Variants in SORCS2 observed in about 807,000 individuals in gnomAD.
The protein encoded by SORCS2 is VPS10 domain-containing receptor SorCS2.
A neutral mutation model predicts 141.6 loss-of-function variants in SORCS2; 100 were observed. That is an observed-to-expected ratio of 0.71 (90% confidence interval 0.60 to 0.83). The LOEUF (loss-of-function observed/expected upper bound fraction) is 0.83, where lower values mean the gene tolerates loss of function less well. Ranked by LOEUF, SORCS2 falls within the 40% of genes least tolerant of loss-of-function variation. SORCS2 has a pLI of 0.00. For missense variants in SORCS2, 1,646 were observed against 1,560.2 expected (o/e 1.05, Z -0.93); for synonymous variants, 789 against 676.9 (o/e 1.17, Z -2.57).
chr4:7,478,419 C>T (rs543169316), intron 2 of SORCS2, among the ~76,000 whole-genome samples: 10 of 152,192 alleles, frequency 6.6e-5, no homozygotes, highest in African/African-American at 1.7e-4. Context: ...CCACCCCCAC[C>T]GTCCCCACCC....
At chr4:7,453,060 GGAGCTGTGTGTTGGGGTCAC>G (rs1728584780) in intron 2 of SORCS2, among the ~76,000 whole-genome samples, 2 of 145,242 alleles carry the variant, frequency 1.4e-5, no homozygotes, top group East Asian at 2.1e-4. Context: ...GTTGGGGTCA[GGAGCTGTGTGTTGGGGTCAC>G]GTGCTGTGTT....
At chr4:7,302,521 T>C (rs1305435204) in intron 1 of SORCS2, among the ~76,000 whole-genome samples, 1 of 152,154 alleles carries the variant, frequency 6.6e-6, no homozygotes, top group Non-Finnish European at 1.5e-5. Context: ...GTCCCCACTT[T>C]CCAGTGAGGT....
chr4:7,330,713 C>A (rs1719600981), intron 1 of SORCS2, among the ~76,000 whole-genome samples: 1 of 152,068 alleles, frequency 6.6e-6, no homozygotes, highest in Non-Finnish European at 1.5e-5. Context: ...TTCGCACCTG[C>A]CCTCAGAGGC....
At chr4:7,697,362 C>A in intron 12 of SORCS2, 88 bp downstream of exon 12, 1 of 1,166,372 alleles carries the variant, frequency 8.6e-7, no homozygotes, top group Non-Finnish European at 1.2e-6. Context: ...CCCGTCCATT[C>A]CAGAGGCTCT....
At position 7,397,736 on chromosome 4, in the gene SORCS2, T is replaced by C. The variant is rs148851126; in HGVS notation, c.548+1381T>C. On this transcript the variant is annotated intron_variant, in intron 2 of 26. Transcript: ENST00000507866. ...GTCATTGCTGCTCTTTGAAAATGTA[T>C]GTTCCAAGGCAGGTTTTGGAGGCAA... Among the ~76,000 whole-genome samples, 102 of 152,314 alleles carry C rather than the reference T, an allele frequency of 6.7e-4. 1 individual carries two copies. The highest frequency in any genetic ancestry group is 3.4e-3 in the Middle Eastern group (1 of 294).
chr4:7,738,743 A>C (rs16840961), intron 26 of SORCS2, among the ~76,000 whole-genome samples: 23,041 of 152,030 alleles, frequency 0.15, 1,988 homozygotes, highest in African/African-American at 0.23. Flanking sequence ...AAATTATTGA[A>C]AGTGAGGCTC....
At chr4:7,388,848 C>G (rs879374665) in intron 1 of SORCS2, among the ~76,000 whole-genome samples, 2 of 152,142 alleles carry the variant, frequency 1.3e-5, no homozygotes, top group Non-Finnish European at 2.9e-5. Context: ...CGGCGATCCC[C>G]CCAGGCCCTG....
chr4:7,531,665 C>A, intron 3 of SORCS2, 36 bp downstream of exon 3: 1 of 1,588,408 alleles, frequency 6.3e-7, no homozygotes, highest in South Asian at 1.1e-5. Context: ...CACTCTGGCT[C>A]TCGCCTTGTG....
intron 2 of SORCS2, among the ~76,000 whole-genome samples, chr4:7,403,458 C>A (rs1021135354): frequency 1.3e-5 from 2 of 152,110 alleles, no homozygotes; most frequent in East Asian, 3.9e-4. Flanking sequence ...TCAGGTTCAA[C>A]CTCAGTGGGG....
chr4:7,642,157 C>G lies in SORCS2; in HGVS notation c.813+3665C>G, dbSNP rs551673162. Among the ~76,000 whole-genome samples the G allele has an allele frequency of 2.6e-5, 4 of 152,368 alleles. No individual in the cohort carries two copies. The East Asian group carries it at 5.8e-4, about 22-fold the overall frequency. On this transcript the variant is annotated intron_variant, in intron 4 of 26. Coordinates refer to ENST00000507866, the MANE Select transcript of SORCS2 (RefSeq NM_020777.3). ...TTCCTGGCTGTCCTTTGCCATGGCTCTCGACAGGACCTGGCCTCCTTGCCA... is the reference window on the plus strand; with the variant it reads ...TTCCTGGCTGTCCTTTGCCATGGCTGTCGACAGGACCTGGCCTCCTTGCCA...
chr4:7,516,924 G>A (rs1239884210), intron 2 of SORCS2, among the ~76,000 whole-genome samples: 1 of 152,200 alleles, frequency 6.6e-6, no homozygotes, highest in African/African-American at 2.4e-5. Context: ...TGGGAGCCAG[G>A]CTGCAGTGTT....
chr4:7,707,246 C>T (rs1437652745), intron 14 of SORCS2, among the ~76,000 whole-genome samples: 1 of 152,232 alleles, frequency 6.6e-6, no homozygotes, highest in Admixed American at 6.5e-5. Context: ...CAACACAGCA[C>T]ACTCAGCCCT....
intron 2 of SORCS2, among the ~76,000 whole-genome samples, chr4:7,412,185 C>T (rs2109157161): frequency 6.6e-6 from 1 of 152,314 alleles, no homozygotes; most frequent in East Asian, 1.9e-4. Flanking sequence ...CCCATCGGGG[C>T]TCACCCTGGT....
chr4:7,657,288 G>A (rs1325030083), intron 5 of SORCS2, among the ~76,000 whole-genome samples: 5 of 152,254 alleles, frequency 3.3e-5, no homozygotes, highest in Admixed American at 6.5e-5. Flanking sequence ...CTCAGTGAGT[G>A]ATGAGTTAGG....
At chr4:7,325,318 G>A (rs182792384) in intron 1 of SORCS2, among the ~76,000 whole-genome samples, 3 of 152,318 alleles carry the variant, frequency 2.0e-5, no homozygotes, top group Non-Finnish European at 2.9e-5. Context: ...TTAAGTGGGG[G>A]TGATTGCTTT....
chr4:7,627,533 G>C (rs1338468764), intron 3 of SORCS2, among the ~76,000 whole-genome samples: 1 of 152,190 alleles, frequency 6.6e-6, no homozygotes, highest in Non-Finnish European at 1.5e-5. Flanking sequence ...CATGAATGCT[G>C]ACAGATCTCT....
At chr4:7,195,118 T>G (rs1332553191) in intron 1 of SORCS2, among the ~76,000 whole-genome samples, 3 of 141,402 alleles carry the variant, frequency 2.1e-5, no homozygotes, top group Non-Finnish European at 4.5e-5. Context: ...GGGCGGCAGC[T>G]GGGTTGGGTG....
chr4:7,325,053 C>G (rs1445991564), intron 1 of SORCS2, among the ~76,000 whole-genome samples: 1 of 152,190 alleles, frequency 6.6e-6, no homozygotes, highest in African/African-American at 2.4e-5. Context: ...CCTTGGGCTG[C>G]AGACGAGGCT....
At chr4:7,630,424 C>T (rs1185193376) in intron 3 of SORCS2, among the ~76,000 whole-genome samples, 1 of 152,182 alleles carries the variant, frequency 6.6e-6, no homozygotes, top group Non-Finnish European at 1.5e-5. Context: ...AAATGTTTTG[C>T]CTCATTGGGA....
Sources: allele counts gnomAD v4.1 joint callset (sites outside exome capture counted in the v4.1 genomes callset), GRCh38; gene constraint gnomAD v4.1.1; transcripts MANE v1.5; gene names NCBI Gene and HGNC (gene_info 2026-07-23, HGNC 2026-07-21).